The following GALNT9 variants were observed in gnomAD, a reference collection of about 807,000 sequenced individuals.
GALNT9 encodes polypeptide N-acetylgalactosaminyltransferase 9.
Under a neutral mutation model 63.1 loss-of-function variants are expected in GALNT9, and 47 were observed. The ratio of observed to expected loss-of-function variants is 0.75; its 90% confidence interval spans 0.59 to 0.95. GALNT9 has a LOEUF of 0.95. Ranked by LOEUF, GALNT9 falls within the 40% of genes least tolerant of loss-of-function variation. The pLI, the probability that GALNT9 is intolerant of heterozygous loss-of-function variation, is 0.00. For missense variants in GALNT9, 829 were observed against 874.8 expected (o/e 0.95, Z 0.66); for synonymous variants, 396 against 365.7 (o/e 1.08, Z -0.94).
chr12:132,307,685 AT>A (rs1208201688), intron 1 of GALNT9, among the ~76,000 whole-genome samples: 1 of 151,046 alleles, frequency 6.6e-6, no homozygotes, highest in East Asian at 1.9e-4. Flanking sequence ...AAAAAAAAAA[AT>A]AGTTGGGTGT....
In GALNT9 at chr12:132,315,436, T is replaced by G. The variant is rs1387838139; in HGVS notation, c.238+13530A>C. Among the ~76,000 whole-genome samples the G allele has an allele frequency of 6.6e-6, 1 of 152,236 alleles. No homozygotes were observed. Among genetic ancestry groups the G allele is most frequent in the Non-Finnish European group, 1.5e-5 (1 of 68,040 alleles). On this transcript the variant is annotated intron_variant, in intron 1 of 10. Transcript: ENST00000328957. This position sits in a 1 kb window ranked among gnomAD's most constrained non-coding sequence, Gnocchi z 6.1. ...GGCATTTTCCACCATTTTCTCAAAA[T>G]AGTGTGAAAATAGCCCCTTGCAGAA... is the stretch of plus-strand genomic sequence containing the variant.
rs1215984121 is a variant in GALNT9, at chr12:132,290,664, G to A, written c.239-4234C>T. Among the ~76,000 whole-genome samples the A allele has an allele frequency of 2.1e-4, 19 of 91,320 alleles. 2 individuals are homozygous for A. In the South Asian group the frequency reaches 4.3e-3, roughly 21 times the overall value. The allele number at this position is 91,320 out of a possible 152,430, so 59.9% of individuals were successfully genotyped here. On this transcript the variant is annotated intron_variant, in intron 1 of 10. Coordinates refer to ENST00000328957, the MANE Select transcript of GALNT9 (RefSeq NM_001122636.2). ...CACCACCCACATCCACAGCGCCCAC[G>A]TCCACAGCGCCCACGTCCTCAGCGC...
intron 6 of GALNT9, among the ~76,000 whole-genome samples, chr12:132,232,071 G>C (rs1288804989): frequency 3.5e-4 from 2 of 5,770 alleles, no homozygotes; most frequent in African/African-American, 5.3e-3. Context: ...GGAGCCCCTA[G>C]TGCCACACAC....
chr12:132,196,687 G>A lies in GALNT9; in HGVS notation c.*420C>T. The stretch of plus-strand genomic sequence containing the variant: ...GAGGGCTGAGCGGCCGCAAGTGCTG[G>A]GGGAGGCTGCTTGGAGCATGGGAGG... On this transcript the variant is annotated 3_prime_UTR_variant, in exon 11 of 11. Coordinates refer to ENST00000328957, the MANE Select transcript of GALNT9 (RefSeq NM_001122636.2). 1 of 1,003,830 alleles carries A rather than the reference G, an allele frequency of 1.0e-6. No individual in the cohort carries two copies. Among genetic ancestry groups the A allele is most frequent in the Non-Finnish European group, 1.2e-6 (1 of 841,904 alleles). 62.2% of individuals were successfully genotyped at this position (1,003,830 alleles called of 1,614,324 possible).
intron 6 of GALNT9, among the ~76,000 whole-genome samples, chr12:132,230,446 C>T (rs894531666): frequency 2.6e-5 from 4 of 152,242 alleles, no homozygotes; most frequent in Non-Finnish European, 5.9e-5. Flanking sequence ...ACCTGGCGTT[C>T]GCTGCCAGAT....
At chr12:132,305,479 G>A (rs1394498638) in intron 1 of GALNT9, among the ~76,000 whole-genome samples, 41 of 96,656 alleles carry the variant, frequency 4.2e-4, no homozygotes, top group Admixed American at 7.2e-4. Flanking sequence ...ACCCTCACCC[G>A]GGCACACCCT....
intron 5 of GALNT9, among the ~76,000 whole-genome samples, chr12:132,250,484 C>G (rs1370035319): frequency 6.6e-6 from 1 of 152,138 alleles, no homozygotes; most frequent in Non-Finnish European, 1.5e-5. Flanking sequence ...TTCCACAGAC[C>G]CTGATAACAA....
At chr12:132,197,729 C>G in intron 10 of GALNT9, 63 bp downstream of exon 10, 1 of 1,275,454 alleles carries the variant, frequency 7.8e-7, no homozygotes, top group Non-Finnish European at 1.1e-6. Context: ...GGCAGAGGCA[C>G]CCAGGGGTCC....
rs1555245047 is a variant in GALNT9, at chr12:132,310,115, T to C, written c.238+18851A>G. ...ACAGCCCTGTACTGTTTTTCGTGCC[T>C]GGAACCAGGACTCAATGCTCGGGGC... On this transcript the variant is annotated intron_variant, in intron 1 of 10. Transcript: ENST00000328957. The surrounding 1 kb of genome is among the most constrained non-coding windows in gnomAD (Gnocchi z 4.8). Among the ~76,000 whole-genome samples the C allele has an allele frequency of 6.6e-6, 1 of 152,232 alleles. No homozygotes were observed. The highest frequency in any genetic ancestry group is 1.9e-4 in the East Asian group (1 of 5,198).
chr12:132,281,572 T>A (rs573608459), intron 2 of GALNT9, among the ~76,000 whole-genome samples: 1 of 152,348 alleles, frequency 6.6e-6, no homozygotes, highest in South Asian at 2.1e-4. Context: ...ACTGGGTTTC[T>A]ATCAGTGAGG....
At chr12:132,233,138 C>G (rs1235747427) in intron 6 of GALNT9, among the ~76,000 whole-genome samples, 4 of 62,662 alleles carry the variant, frequency 6.4e-5, no homozygotes, top group Non-Finnish European at 1.2e-4. Context: ...CCACACACTC[C>G]ATGGGGCGAC....
intron 6 of GALNT9, among the ~76,000 whole-genome samples, chr12:132,227,376 C>T (rs1877734907): frequency 6.6e-6 from 1 of 152,106 alleles, no homozygotes; most frequent in Non-Finnish European, 1.5e-5. Context: ...AGCTCCCCGA[C>T]CCTGCTGGCC....
In GALNT9 at chr12:132,215,720, G is replaced by A. The variant is rs113212235; in HGVS notation, c.1078-12030C>T. Among the ~76,000 whole-genome samples the A allele has an allele frequency of 2.5e-3, 378 of 152,324 alleles. 1 individual carries two copies. Among genetic ancestry groups the A allele is most frequent in the Non-Finnish European group, 4.6e-3 (313 of 68,026 alleles). On this transcript the variant is annotated intron_variant, in intron 6 of 10. Coordinates refer to ENST00000328957, the MANE Select transcript of GALNT9 (RefSeq NM_001122636.2). ...GGGCTGGCACCATCACAGCCACCAC[G>A]TGGCTCACGTGGCAGCACAGAGCAG...
At chr12:132,320,928 C>T (rs188058846) in intron 1 of GALNT9, among the ~76,000 whole-genome samples, 93 of 152,316 alleles carry the variant, frequency 6.1e-4, no homozygotes, top group African/African-American at 1.5e-3. Context: ...GTCGTGTGAC[C>T]GGCCCACAGT....
At chr12:132,257,415 G>T (rs1480140132) in intron 5 of GALNT9, among the ~76,000 whole-genome samples, 2 of 97,456 alleles carry the variant, frequency 2.1e-5, no homozygotes, top group South Asian at 3.0e-4. Flanking sequence ...GGTTGTGCTT[G>T]CTGGGGGACG....
chr12:132,254,022 TTTC>T (rs200770959), intron 5 of GALNT9, among the ~76,000 whole-genome samples: 11 of 144,416 alleles, frequency 7.6e-5, no homozygotes, highest in Admixed American at 2.8e-4. Flanking sequence ...TTCACTGTTT[TTTC>T]TTTTTTTTTT....
At position 132,294,985 on chromosome 12, in the gene GALNT9, C is replaced by T. The variant is rs551863652; in HGVS notation, c.239-8555G>A. The stretch of plus-strand genomic sequence containing the variant: ...GATCCCACCAGGAAGCAAGGACAAA[C>T]GATGAAGAAACTGGTAAAAGTGTGG... On this transcript the variant is annotated intron_variant, in intron 1 of 10. Transcript: ENST00000328957. 5.9e-5 allele frequency among the ~76,000 whole-genome samples: 9 copies of T among 152,330 alleles called. No homozygotes were observed. In the East Asian group the frequency reaches 1.4e-3, roughly 23 times the overall value.
In GALNT9 at chr12:132,315,361, C is replaced by T. The variant is rs1053798985; in HGVS notation, c.238+13605G>A. On this transcript the variant is annotated intron_variant, in intron 1 of 10. Coordinates refer to ENST00000328957, the MANE Select transcript of GALNT9 (RefSeq NM_001122636.2). The surrounding 1 kb of genome is among the most constrained non-coding windows in gnomAD (Gnocchi z 6.1). ...CTGGAGCCTCAGAATATAATCAGGG[C>T]GGCCTCCCCCGTGTCCACTGCAAAG... 6.7e-6 allele frequency among the ~76,000 whole-genome samples: 1 copy of T among 149,050 alleles called. No individual in the cohort carries two copies. Among genetic ancestry groups the T allele is most frequent in the African/African-American group, 2.5e-5 (1 of 40,118 alleles).
intron 1 of GALNT9, among the ~76,000 whole-genome samples, chr12:132,312,895 T>A (rs1482189035): frequency 6.6e-6 from 1 of 152,100 alleles, no homozygotes; most frequent in Non-Finnish European, 1.5e-5. Flanking sequence ...CTTGTGTCAG[T>A]CTGGGCTGCT....
Sources: allele counts gnomAD v4.1 joint callset (sites outside exome capture counted in the v4.1 genomes callset), GRCh38; gene constraint gnomAD v4.1.1; non-coding constraint Gnocchi (gnomAD v3.1); transcripts MANE v1.5; gene names NCBI Gene and HGNC (gene_info 2026-07-23, HGNC 2026-07-21).